The following SHB variants were observed in gnomAD, a reference collection of about 807,000 sequenced individuals.
SHB encodes the protein SH2 domain-containing adapter protein B.
SHB carries 20 observed loss-of-function variants against 52.3 expected under a neutral mutation model. That is an observed-to-expected ratio of 0.38 (90% confidence interval 0.27 to 0.56). SHB has a LOEUF of 0.56. SHB is among the 20% of genes least tolerant of loss of function. SHB has a pLI of 0.71. For missense variants in SHB, 825 were observed against 723.3 expected, an observed-to-expected ratio of 1.14 and a Z score of -1.61; for synonymous variants, 397 against 316.5, an observed-to-expected ratio of 1.25 and a Z score of -2.70.
At chr9:37,922,005 G>C (rs973231558) in intron 5 of SHB, among the ~76,000 whole-genome samples, 1 of 152,242 alleles carries the variant, frequency 6.6e-6, no homozygotes, top group Non-Finnish European at 1.5e-5. Flanking sequence ...AGGTGCCAGG[G>C]ACACTCAGCA....
At chr9:37,921,708 A>C (rs1832182385) in intron 5 of SHB, among the ~76,000 whole-genome samples, 1 of 152,210 alleles carries the variant, frequency 6.6e-6, no homozygotes. Context: ...ACGTCTGAGA[A>C]GCAGGCGGCG....
At chr9:37,923,470 G>A (rs117366090) in intron 5 of SHB, among the ~76,000 whole-genome samples, 4 of 152,212 alleles carry the variant, frequency 2.6e-5, no homozygotes, top group Admixed American at 1.3e-4. Context: ...CCGAGGTCCC[G>A]AGACTATCTG....
chr9:37,943,561 T>A (rs1351430322), intron 5 of SHB, among the ~76,000 whole-genome samples: 1 of 152,174 alleles, frequency 6.6e-6, no homozygotes, highest in African/African-American at 2.4e-5. Context: ...CAAAGGTCCC[T>A]CCGTAAGGAC....
chr9:37,975,471 T>G (rs1212078843), intron 2 of SHB, among the ~76,000 whole-genome samples: 3 of 152,192 alleles, frequency 2.0e-5, no homozygotes, highest in Non-Finnish European at 4.4e-5. Context: ...GCTTCACTTC[T>G]GAATAAAGAA....
At chr9:37,937,372 A>G (rs1356350056) in intron 5 of SHB, among the ~76,000 whole-genome samples, 2 of 152,248 alleles carry the variant, frequency 1.3e-5, no homozygotes, top group African/African-American at 2.4e-5. Flanking sequence ...AAATTAAAAA[A>G]TGGTTTTAAT....
chr9:37,993,663 C>T (rs1297420645), intron 2 of SHB, among the ~76,000 whole-genome samples: 1 of 151,502 alleles, frequency 6.6e-6, no homozygotes, highest in Non-Finnish European at 1.5e-5. Context: ...TTAATTTATT[C>T]TCCCTTAAAA....
chr9:37,991,503 T>C (rs1820881628), intron 2 of SHB, among the ~76,000 whole-genome samples: 1 of 152,232 alleles, frequency 6.6e-6, no homozygotes, highest in African/African-American at 2.4e-5. Flanking sequence ...GGTTTTCAAC[T>C]CCAAGATGTA....
intron 1 of SHB, among the ~76,000 whole-genome samples, chr9:38,030,283 G>T (rs1446996695): frequency 2.0e-5 from 3 of 152,190 alleles, no homozygotes; most frequent in African/African-American, 7.2e-5. Context: ...CCTCAGAGAT[G>T]TTGAGCCCCC....
intron 2 of SHB, among the ~76,000 whole-genome samples, chr9:38,014,948 T>C (rs1821192564): frequency 6.6e-6 from 1 of 152,162 alleles, no homozygotes; most frequent in Admixed American, 6.5e-5. Flanking sequence ...CAGGAGAAGG[T>C]GCTCAAAGAC....
intron 4 of SHB, among the ~76,000 whole-genome samples, chr9:37,950,695 G>A (rs555065282): frequency 6.6e-6 from 1 of 152,154 alleles, no homozygotes. Flanking sequence ...TGACCAGGCG[G>A]CTTCTATTAA....
In SHB at chr9:38,068,463, G is replaced by A. The variant is rs1418853065; in HGVS notation, c.183C>T (p.Ser61=). The A allele has an allele frequency of 2.0e-6, 3 of 1,520,930 alleles. No homozygotes were observed. The highest frequency in any genetic ancestry group is 1.8e-6 in the Non-Finnish European group (2 of 1,139,512). The allele number at this position is 1,520,930 out of a possible 1,614,324, so 94.2% of individuals were successfully genotyped here. Residue 61 remains serine, a synonymous_variant, in exon 1 of 6, where the codon TCC becomes TCT. Coordinates refer to ENST00000377707, the MANE Select transcript of SHB (RefSeq NM_003028.3). ...ASASCGPATA[S]CFSASSGSLP... ...GCGAGCCCGAAGAGGCTGAGAAGCA[G>A]GAGGCGGTGGCCGGACCGCAGGACG...
chr9:38,065,088 CAG>C (rs1321506682), intron 1 of SHB, among the ~76,000 whole-genome samples: 1 of 152,192 alleles, frequency 6.6e-6, no homozygotes, highest in African/African-American at 2.4e-5. Flanking sequence ...GCCTAGGTGA[CAG>C]AGTGAGACCT....
chr9:37,999,603 G>A (rs547641818), intron 2 of SHB, among the ~76,000 whole-genome samples: 4 of 151,990 alleles, frequency 2.6e-5, no homozygotes, highest in African/African-American at 7.3e-5. Flanking sequence ...ACCAAGCGCC[G>A]CATACTGAGT....
chr9:37,969,957 G>A (rs1008140244), intron 3 of SHB, among the ~76,000 whole-genome samples: 3 of 152,336 alleles, frequency 2.0e-5, no homozygotes, highest in Non-Finnish European at 2.9e-5. Context: ...GCTGGTTGCT[G>A]TAAAGACTCC....
chr9:38,021,672 G>GA (rs35440284), intron 1 of SHB, among the ~76,000 whole-genome samples: 92 of 136,294 alleles, frequency 6.8e-4, no homozygotes, highest in Middle Eastern at 3.8e-3. Context: ...TGTCTCAAAA[G>GA]AAAAAAAAAA....
chr9:37,928,150 G>C (rs1832272185), intron 5 of SHB, among the ~76,000 whole-genome samples: 1 of 152,188 alleles, frequency 6.6e-6, no homozygotes, highest in Non-Finnish European at 1.5e-5. Context: ...AGCTGGAGGG[G>C]ATCCCTTCAG....
intron 1 of SHB, among the ~76,000 whole-genome samples, chr9:38,017,002 A>G (rs1348742708): frequency 2.0e-5 from 3 of 152,178 alleles, no homozygotes; most frequent in Non-Finnish European, 4.4e-5. Context: ...GGATTCTAAC[A>G]CTTCAGAGAC....
At chr9:37,970,811 G>A (rs1275087332) in intron 3 of SHB, among the ~76,000 whole-genome samples, 1 of 151,866 alleles carries the variant, frequency 6.6e-6, no homozygotes, top group Non-Finnish European at 1.5e-5. Context: ...CCCTTCACCT[G>A]GGCCCTACAT....
intron 2 of SHB, among the ~76,000 whole-genome samples, chr9:38,011,491 T>C (rs1042522856): frequency 7.9e-5 from 12 of 152,182 alleles, no homozygotes; most frequent in African/African-American, 1.2e-4. Context: ...TCCTATTCAG[T>C]TGGTCTCAGG....
Sources: allele counts gnomAD v4.1 joint callset (sites outside exome capture counted in the v4.1 genomes callset), GRCh38; gene constraint gnomAD v4.1.1; transcripts MANE v1.5; gene names NCBI Gene and HGNC (gene_info 2026-07-23, HGNC 2026-07-21).